Variants in VIRMA observed in about 807,000 individuals in gnomAD.
VIRMA encodes protein virilizer homolog.
In VIRMA, 65 loss-of-function variants were observed where a neutral mutation model predicts 182.4. The ratio of observed to expected loss-of-function variants is 0.36; its 90% CI spans 0.29 to 0.44. The LOEUF is 0.44. Ranked by LOEUF, VIRMA falls within the 20% of genes least tolerant of loss-of-function variation. VIRMA has a pLI of 1.00. For synonymous variants in VIRMA, 709 were observed against 743.1 expected, an observed-to-expected ratio of 0.95 and a Z score of 0.75; for missense variants, 1,752 against 2,158.1, an observed-to-expected ratio of 0.81 and a Z score of 3.73.
chr8:94,488,931 G>C, intron 23 of VIRMA, 71 bp from the exon 24 acceptor site: 1 of 1,506,566 alleles, frequency 6.6e-7, no homozygotes, highest in Non-Finnish European at 9.0e-7. Flanking sequence ...ACTAATCTAC[G>C]ACACTGAGCT....
chr8:94,499,065 A>G (rs1312958771), intron 17 of VIRMA: 2 of 162,404 alleles, frequency 1.2e-5, no homozygotes, highest in Non-Finnish European at 2.7e-5. Flanking sequence ...TGGATGACAG[A>G]GTGAGACTCT....
intron 4 of VIRMA, among the ~76,000 whole-genome samples, chr8:94,536,237 T>C (rs1033794269): frequency 6.6e-6 from 1 of 152,150 alleles, no homozygotes; most frequent in African/African-American, 2.4e-5. Context: ...TGAACAGAAA[T>C]CCCACTGGAA....
In VIRMA at chr8:94,499,446, A is replaced by G; in HGVS notation, c.4158T>C (p.Phe1386=). 6.2e-7 allele frequency: 1 copy of G among 1,611,318 alleles called. No individual in the cohort carries two copies. Among genetic ancestry groups the G allele is most frequent in the South Asian group, 1.1e-5 (1 of 90,912 alleles). ...ATGCAAGCTCTCCTGTGTCCTTACT[A>G]AATGTGCTGACCACTCGTTTCAGTA... The part of the protein sequence containing the change: ...HSLLKRVVST[F]SKDTGELASS... Residue 1386 remains phenylalanine, a synonymous_variant, in exon 17 of 24, where the codon TTT becomes TTC. Coordinates refer to ENST00000297591, the MANE Select transcript of VIRMA (RefSeq NM_015496.5).
intron 9 of VIRMA, among the ~76,000 whole-genome samples, chr8:94,518,505 C>A (rs1814638887): frequency 2.0e-5 from 3 of 152,210 alleles, no homozygotes; most frequent in Non-Finnish European, 2.9e-5. Context: ...AGAAATAAGG[C>A]ATGTCTTTCT....
At chr8:94,503,077 T>C (rs995530515) in intron 16 of VIRMA, among the ~76,000 whole-genome samples, 4 of 151,756 alleles carry the variant, frequency 2.6e-5, no homozygotes, top group Admixed American at 2.6e-4. Flanking sequence ...GAAGGAAAAT[T>C]AGTAAGTAAA....
intron 1 of VIRMA, chr8:94,547,195 C>T (rs950823619): frequency 5.4e-5 from 14 of 258,990 alleles, no homozygotes; most frequent in Admixed American, 1.0e-4. Flanking sequence ...ATTCATAGTG[C>T]CTAGCATATT....
chr8:94,494,591 CAAAAAAAAAAAAAAAAA>C (rs1175058697), intron 20 of VIRMA, among the ~76,000 whole-genome samples: 6 of 42,926 alleles, frequency 1.4e-4, no homozygotes, highest in Admixed American at 8.0e-4. Flanking sequence ...GACTCTGTCT[CAAAAAAAAAAAAAAAAA>C]AAAAAAAAAA....
chr8:94,538,934 C>T (rs1815441796), intron 2 of VIRMA, among the ~76,000 whole-genome samples: 1 of 151,732 alleles, frequency 6.6e-6, no homozygotes, highest in Admixed American at 6.6e-5. Context: ...CAGAGTCTTG[C>T]TTTCTTGCCC....
At position 94,517,897 on chromosome 8, in the gene VIRMA, T is replaced by A; in HGVS notation, c.2559A>T (p.Ile853=). Residue 853 remains isoleucine, a synonymous_variant, in exon 10 of 24, where the codon ATA becomes ATT. Coordinates refer to ENST00000297591, the MANE Select transcript of VIRMA (RefSeq NM_015496.5). The part of the protein sequence containing the change: ...KKSVAYNYAC[I]LILVVVQSSS... ...AAGACTGAACCACCACCAAAATAAG[T>A]ATGCATGCGTAATTATAAGCTACTG... The A allele has an allele frequency of 6.2e-7, 1 of 1,612,500 alleles. No individual in the cohort carries two copies. Among genetic ancestry groups the A allele is most frequent in the Non-Finnish European group, 8.5e-7 (1 of 1,178,710 alleles).
intron 4 of VIRMA, among the ~76,000 whole-genome samples, 165 bp from the exon 5 acceptor site, chr8:94,535,172 G>A (rs1815297777): frequency 6.6e-6 from 1 of 152,116 alleles, no homozygotes; most frequent in Non-Finnish European, 1.5e-5. Flanking sequence ...CTTTTAGTGT[G>A]GTTCTCCAGA....
intron 11 of VIRMA, among the ~76,000 whole-genome samples, chr8:94,513,348 A>G (rs1814442119): frequency 6.6e-6 from 1 of 152,090 alleles, no homozygotes; most frequent in Admixed American, 6.5e-5. Flanking sequence ...AAACAAAACA[A>G]AACAAAACAA....
chr8:94,510,943 T>A (rs1814347678), intron 13 of VIRMA: 1 of 1,301,062 alleles, frequency 7.7e-7, no homozygotes, highest in Non-Finnish European at 1.0e-6. Context: ...AACAGAAAAA[T>A]GTAAGTACAA....
At chr8:94,545,032 G>T (rs1815713590) in intron 1 of VIRMA, among the ~76,000 whole-genome samples, 1 of 152,142 alleles carries the variant, frequency 6.6e-6, no homozygotes, top group South Asian at 2.1e-4. Flanking sequence ...GGCTGAGGTA[G>T]GAGGATCACT....
chr8:94,490,237 G>T, intron 22 of VIRMA, 155 bp from the exon 23 acceptor site: 2 of 763,174 alleles, frequency 2.6e-6, no homozygotes, highest in Non-Finnish European at 4.0e-6. Context: ...CAGTGGTTAA[G>T]AGCAGAGGCT....
chr8:94,520,310 A>T (rs1319301770), intron 8 of VIRMA, among the ~76,000 whole-genome samples: 1 of 152,100 alleles, frequency 6.6e-6, no homozygotes, highest in Non-Finnish European at 1.5e-5. Flanking sequence ...GCCTTGAGCA[A>T]TATAGTGAGA....
chr8:94,553,372 C>T lies in VIRMA; in HGVS notation c.63+13G>A. Reference sequence around the variant, plus strand: ...TCAAGAAGCAGCGTCAGAATCAAGTCGCCAAGCCTTACCTCAGCGCTCGGG... The same window carrying T: ...TCAAGAAGCAGCGTCAGAATCAAGTTGCCAAGCCTTACCTCAGCGCTCGGG... On this transcript the variant is annotated intron_variant, in intron 1 of 23. Coordinates refer to ENST00000297591, the MANE Select transcript of VIRMA (RefSeq NM_015496.5). 1 of 1,613,430 alleles carries T rather than the reference C, an allele frequency of 6.2e-7. No homozygotes were observed. The highest frequency in any genetic ancestry group is 8.5e-7 in the Non-Finnish European group (1 of 1,179,378).
chr8:94,496,243 TA>T, intron 18 of VIRMA, 84 bp downstream of exon 18: 5 of 1,168,646 alleles, frequency 4.3e-6, no homozygotes, highest in South Asian at 3.3e-5. Flanking sequence ...TTCACTATTT[TA>T]AAAAAGGTCA....
At position 94,492,795 on chromosome 8, in the gene VIRMA, G is replaced by C; in HGVS notation, c.4665C>G (p.Leu1555=). The change falls in exon 21 of 24, where the codon CTC becomes CTG. Residue 1555 remains leucine (L), a synonymous_variant. Coordinates refer to ENST00000297591, the MANE Select transcript of VIRMA (RefSeq NM_015496.5). ...LDLVKVDLIE[L]SEKCCSDFDL... ...CAAAGTCACTACAGCATTTTTCAGAGAGTTCAATTAAGTCAACCTTTACCT... is the reference window on the plus strand; with the variant it reads ...CAAAGTCACTACAGCATTTTTCAGACAGTTCAATTAAGTCAACCTTTACCT... 2 of 1,613,558 alleles carry C rather than the reference G, an allele frequency of 1.2e-6. No individual in the cohort carries two copies. The highest frequency in any genetic ancestry group is 1.7e-6 in the Non-Finnish European group (2 of 1,179,710).
At chr8:94,501,777 T>A (rs1333398459) in intron 16 of VIRMA, among the ~76,000 whole-genome samples, 1 of 152,094 alleles carries the variant, frequency 6.6e-6, no homozygotes, top group Non-Finnish European at 1.5e-5. Context: ...GGGCACCAGC[T>A]GAAACCCCGG....
Sources: gnomAD v4.1 joint callset for allele counts (sites outside exome capture counted in the v4.1 genomes callset) on GRCh38, gnomAD v4.1.1 for gene constraint, MANE v1.5 for transcripts, NCBI Gene and HGNC (gene_info 2026-07-23, HGNC 2026-07-21) for gene names.